Variants in ZNF75D observed in about 807,000 individuals in gnomAD.
ZNF75D encodes the protein zinc finger protein 75D.
ZNF75D carries 33 observed loss-of-function variants against 33.3 expected under a neutral mutation model. The observed-to-expected ratio is 0.99, with a 90% CI of 0.75 to 1.32. The LOEUF (loss-of-function observed/expected upper bound fraction) is 1.32, where lower values mean the gene tolerates loss of function less well. Among genes scored for constraint, ZNF75D ranks in the 40% most tolerant of loss-of-function variants. ZNF75D has a pLI of 0.00. For missense variants in ZNF75D, 338 were observed against 367.5 expected, an observed-to-expected ratio of 0.92 and a Z score of 0.66; for synonymous variants, 113 against 130.6, an observed-to-expected ratio of 0.87 and a Z score of 0.92.
chrX:135,263,701 C>T (rs900569674), intron 1 of ZNF75D, among the ~76,000 whole-genome samples: 1 of 112,423 alleles, frequency 8.9e-6, no homozygotes, highest in East Asian at 2.8e-4. Flanking sequence ...GGGAGTGTCC[C>T]GTTTTTCCAG....
intron 1 of ZNF75D, among the ~76,000 whole-genome samples, chrX:135,268,730 A>C (rs2083871617): frequency 9.0e-6 from 1 of 111,246 alleles, no homozygotes; most frequent in African/African-American, 3.3e-5. Flanking sequence ...ATTCTTCACA[A>C]AAATAGAAAA....
At position 135,287,240 on chromosome X, in the gene ZNF75D, T is replaced by C; in HGVS notation, c.1430A>G (p.Tyr477Cys). The stretch of plus-strand genomic sequence containing the variant: ...GTTTCTCTTGCATAAGCTACACGTA[T>C]AAGGCTGCTCACCTGTGTGAGTTCT... Reference protein sequence around the residue: ...HQRTHTGEQPYTCSLCKRNFS... With the variant: ...HQRTHTGEQPCTCSLCKRNFS... Residue 477 changes from tyrosine (Y) to cysteine (C), a missense_variant, in exon 7 of 7, where the codon TAT becomes TGT. Around this residue, in one of 3 missense-constraint regions of ZNF75D, gnomAD observed 79 missense variants for 80.1 expected, o/e 0.99. Coordinates refer to ENST00000370766, the MANE Select transcript of ZNF75D (RefSeq NM_007131.5). 1 of 1,211,823 alleles carries C rather than the reference T, an allele frequency of 8.3e-7. No homozygotes were observed. The highest frequency in any genetic ancestry group is 1.1e-6 in the Non-Finnish European group (1 of 895,354).
chrX:135,321,440 A>C (rs2084494153), intron 1 of ZNF75D, among the ~76,000 whole-genome samples: 1 of 112,461 alleles, frequency 8.9e-6, no homozygotes, highest in Non-Finnish European at 1.9e-5. Context: ...TAGGAAGAGA[A>C]GCAATTAGTG....
At chrX:135,273,146 C>A (rs1556417163) in intron 1 of ZNF75D, among the ~76,000 whole-genome samples, 1 of 111,740 alleles carries the variant, frequency 8.9e-6, no homozygotes, top group African/African-American at 3.3e-5. Flanking sequence ...TTCACCTTTT[C>A]CTTTCTGCTC....
chrX:135,259,695 T>A (rs1157807630), intron 1 of ZNF75D, among the ~76,000 whole-genome samples: 1 of 112,135 alleles, frequency 8.9e-6, no homozygotes, highest in African/African-American at 3.2e-5. Flanking sequence ...GATTTTGGAC[T>A]GAGACGATGG....
downstream of ZNF75D, among the ~76,000 whole-genome samples, chrX:135,283,824 G>A (rs2083929732): frequency 9.0e-6 from 1 of 111,535 alleles, no homozygotes; most frequent in South Asian, 3.8e-4. Context: ...CCATGTCATT[G>A]TTTGCTGGGA....
chrX:135,312,497 T>C (rs1192271929), intron 1 of ZNF75D, among the ~76,000 whole-genome samples: 2 of 112,181 alleles, frequency 1.8e-5, no homozygotes, highest in African/African-American at 6.5e-5. Flanking sequence ...TTTCTTTTCC[T>C]TTGGATAGAC....
Position 135,343,491 on chromosome X carries a change from C to G in ZNF75D, c.-2114G>C, listed in dbSNP as rs2084810313. 8.5e-6 allele frequency: 1 copy of G among 118,135 alleles called. No individual in the cohort carries two copies. The highest frequency in any genetic ancestry group is 3.3e-4 in the South Asian group (1 of 3,003). The allele number at this position is 118,135 out of a possible 1,213,427, so 9.7% of individuals were successfully genotyped here. On this transcript the variant is annotated 5_prime_UTR_variant, in exon 1 of 7. Transcript: ENST00000370766. ...AACTCCCATGGCGAAACACCCATGG[C>G]GAAACTGCTGGTGTCCCGGGCACCA...
At chrX:135,325,586 C>T (rs956966270) in intron 1 of ZNF75D, among the ~76,000 whole-genome samples, 3 of 112,608 alleles carry the variant, frequency 2.7e-5, no homozygotes, top group African/African-American at 9.7e-5. Context: ...CAATGAGGGA[C>T]GTAGCACCCG....
chrX:135,316,568 T>C (rs1311667106), intron 1 of ZNF75D, among the ~76,000 whole-genome samples: 1 of 112,012 alleles, frequency 8.9e-6, no homozygotes, highest in Non-Finnish European at 1.9e-5. Context: ...TTTTCATCTA[T>C]TATTTCATTA....
chrX:135,268,851 T>C (rs1034951708), intron 1 of ZNF75D, among the ~76,000 whole-genome samples: 3 of 111,515 alleles, frequency 2.7e-5, no homozygotes, highest in Non-Finnish European at 5.7e-5. Flanking sequence ...CAGATTATAA[T>C]ACAGAGCTAT....
chrX:135,276,724 T>TGAGTGAG (rs2083900610), intron 1 of ZNF75D, among the ~76,000 whole-genome samples: 1 of 108,991 alleles, frequency 9.2e-6, no homozygotes, highest in African/African-American at 3.4e-5. Flanking sequence ...CTCCCACTTA[T>TGAGTGAG]GAGTGAGAAC....
chrX:135,313,006 G>A (rs1351395408), intron 1 of ZNF75D, among the ~76,000 whole-genome samples: 1 of 111,684 alleles, frequency 9.0e-6, no homozygotes, highest in Non-Finnish European at 1.9e-5. Context: ...GTTTGATATA[G>A]TCCTTTTTGT....
At chrX:135,256,696 C>T (rs950928522) in intron 1 of ZNF75D, among the ~76,000 whole-genome samples, 15 of 111,568 alleles carry the variant, frequency 1.3e-4, no homozygotes, top group Admixed American at 4.8e-4. Flanking sequence ...CCTCCTCCAA[C>T]CCCTGGTAGT....
chrX:135,271,628 T>A (rs1323678801), intron 1 of ZNF75D, among the ~76,000 whole-genome samples: 1 of 111,127 alleles, frequency 9.0e-6, no homozygotes, highest in Non-Finnish European at 1.9e-5. Context: ...AAAATGGGAG[T>A]CACAGCATGT....
intron 1 of ZNF75D, among the ~76,000 whole-genome samples, chrX:135,320,364 A>G (rs1157553806): frequency 9.0e-6 from 1 of 111,380 alleles, no homozygotes; most frequent in African/African-American, 3.3e-5. Context: ...ATTGGCCTTT[A>G]GAGCAGAATA....
intron 1 of ZNF75D, among the ~76,000 whole-genome samples, chrX:135,324,753 G>A (rs2084540251): frequency 8.9e-6 from 1 of 112,528 alleles, no homozygotes; most frequent in Non-Finnish European, 1.9e-5. Flanking sequence ...AACATTAGGA[G>A]AACCAGAATT....
At chrX:135,293,444 A>G (rs1347641626) in intron 3 of ZNF75D, among the ~76,000 whole-genome samples, 1 of 111,290 alleles carries the variant, frequency 9.0e-6, no homozygotes, top group Non-Finnish European at 1.9e-5. Context: ...CTAAGAACTC[A>G]ACTCTTGTCC....
intron 6 of ZNF75D, among the ~76,000 whole-genome samples, chrX:135,290,780 A>G (rs2084027135): frequency 8.9e-6 from 1 of 112,373 alleles, no homozygotes; most frequent in Non-Finnish European, 1.9e-5. Context: ...TAAAAAAAGT[A>G]AAATCTTTCA....
Sources: gnomAD v4.1 joint callset for allele counts (sites outside exome capture counted in the v4.1 genomes callset) on GRCh38, gnomAD v4.1.1 for gene constraint, gnomAD v4.1.1 regional missense constraint, MANE v1.5 for transcripts, NCBI Gene and HGNC (gene_info 2026-07-23, HGNC 2026-07-21) for gene names.